The following MGAT4C variants were observed in gnomAD, a reference collection of about 807,000 sequenced individuals.
MGAT4C encodes the protein MGAT4 family member C, also known as alpha-1,3-mannosyl-glycoprotein 4-beta-N-acetylglucosaminyltransferase C.
Under a neutral mutation model 40.1 loss-of-function variants are expected in MGAT4C, and 19 were observed. The ratio of observed to expected loss-of-function variants is 0.47; its 90% CI spans 0.33 to 0.70. The LOEUF (loss-of-function observed/expected upper bound fraction) is 0.70, where lower values mean the gene tolerates loss of function less well. MGAT4C is among the 30% of genes least tolerant of loss of function. The pLI is 0.02. For missense variants in MGAT4C, 491 were observed against 563.2 expected, an observed-to-expected ratio of 0.87 and a Z score of 1.30; for synonymous variants, 181 against 187.1, an observed-to-expected ratio of 0.97 and a Z score of 0.27.
intron 3 of MGAT4C, among the ~76,000 whole-genome samples, chr12:86,407,922 C>T (rs549129099): frequency 6.6e-6 from 1 of 152,014 alleles, no homozygotes; most frequent in Admixed American, 6.6e-5. Flanking sequence ...CCAATAGTCA[C>T]AAGAAAGTTG....
intron 1 of MGAT4C, among the ~76,000 whole-genome samples, chr12:86,212,748 C>T (rs1415425203): frequency 4.4e-5 from 6 of 136,010 alleles, no homozygotes; most frequent in Admixed American, 2.2e-4. Flanking sequence ...AAAAATTAGC[C>T]GGGCGTAGTG....
intron 1 of MGAT4C, among the ~76,000 whole-genome samples, chr12:86,204,332 C>A (rs1950174428): frequency 1.3e-5 from 2 of 151,846 alleles, no homozygotes; most frequent in Non-Finnish European, 2.9e-5. Flanking sequence ...TAAAATAATT[C>A]TCGTTGTATA....
chr12:86,114,858 A>C (rs1878119731), intron 1 of MGAT4C, among the ~76,000 whole-genome samples: 1 of 151,916 alleles, frequency 6.6e-6, no homozygotes, highest in Admixed American at 6.6e-5. Context: ...ACCTACCCTA[A>C]GGAAATAATG....
intron 2 of MGAT4C, among the ~76,000 whole-genome samples, chr12:86,694,186 T>G (rs1950217223): frequency 6.6e-6 from 1 of 152,126 alleles, no homozygotes; most frequent in Non-Finnish European, 1.5e-5. Flanking sequence ...ACTCAAATAT[T>G]TCAGATCTTC....
At chr12:86,464,598 C>G (rs545386531) in intron 2 of MGAT4C, among the ~76,000 whole-genome samples, 1 of 152,202 alleles carries the variant, frequency 6.6e-6, no homozygotes, top group South Asian at 2.1e-4. Flanking sequence ...ATGAAAATAA[C>G]ATCCTAAACA....
At chr12:86,361,472 C>A (rs1357478422) in intron 3 of MGAT4C, among the ~76,000 whole-genome samples, 1 of 152,100 alleles carries the variant, frequency 6.6e-6, no homozygotes, top group Non-Finnish European at 1.5e-5. Context: ...CAACAAAAGC[C>A]AAAATTGACA....
chr12:86,394,614 CTTT>C (rs1239521825), intron 3 of MGAT4C, among the ~76,000 whole-genome samples: 17 of 93,032 alleles, frequency 1.8e-4, no homozygotes, highest in African/African-American at 4.3e-4. Flanking sequence ...TATATATATA[CTTT>C]ATATATATAT....
At chr12:86,122,600 A>C (rs1879552737) in intron 1 of MGAT4C, among the ~76,000 whole-genome samples, 1 of 152,170 alleles carries the variant, frequency 6.6e-6, no homozygotes, top group African/African-American at 2.4e-5. Context: ...GATGAAAGTA[A>C]ACATTATACT....
At chr12:86,221,000 T>G (rs2135986454) in intron 1 of MGAT4C, among the ~76,000 whole-genome samples, 1 of 152,308 alleles carries the variant, frequency 6.6e-6, no homozygotes, top group African/African-American at 2.4e-5. Flanking sequence ...TAAAATTGTT[T>G]TAGGTAACAG....
intron 4 of MGAT4C, among the ~76,000 whole-genome samples, chr12:86,326,713 C>T (rs1954536934): frequency 6.6e-6 from 1 of 151,962 alleles, no homozygotes; most frequent in South Asian, 2.1e-4. Context: ...CCCACTTGAG[C>T]CTTTACATTT....
chr12:86,056,357 C>T (rs1355045635), intron 1 of MGAT4C, among the ~76,000 whole-genome samples: 1 of 152,072 alleles, frequency 6.6e-6, no homozygotes, highest in Non-Finnish European at 1.5e-5. Context: ...GTACGTTAGG[C>T]ATTTCTCCTA....
At chr12:86,309,772 T>G (rs964035845) in intron 4 of MGAT4C, among the ~76,000 whole-genome samples, 3 of 152,214 alleles carry the variant, frequency 2.0e-5, no homozygotes, top group Non-Finnish European at 2.9e-5. Flanking sequence ...GAAAGCATAT[T>G]AATAAATGGC....
chr12:86,833,672 C>A lies in MGAT4C; in HGVS notation c.-262+4994G>T, dbSNP rs117771254. ...TAATGAACCCATCTACAAATATAGT[C>A]ACATTCTGAGATATTGGAGGTTAAG... On this transcript the variant is annotated intron_variant, in intron 1 of 7. Coordinates refer to the MGAT4C transcript ENST00000548651. Among the ~76,000 whole-genome samples, 602 of 151,984 alleles carry A rather than the reference C, an allele frequency of 4.0e-3. 2 individuals carry two copies. The highest frequency in any genetic ancestry group is 6.2e-3 in the Non-Finnish European group (424 of 67,922).
At chr12:86,241,225 T>A (rs1951770327) in intron 1 of MGAT4C, among the ~76,000 whole-genome samples, 1 of 152,186 alleles carries the variant, frequency 6.6e-6, no homozygotes, top group Non-Finnish European at 1.5e-5. Flanking sequence ...TCCTTGAAAC[T>A]AATAGGAAGT....
intron 1 of MGAT4C, among the ~76,000 whole-genome samples, chr12:86,211,798 T>C (rs193123038): frequency 3.5e-4 from 53 of 152,240 alleles, no homozygotes; most frequent in Admixed American, 9.8e-4. Context: ...TGTTTTGTTT[T>C]TTTTTTCCTA....
rs192953229 is a variant in MGAT4C at position 86,394,545 on chromosome 12, A to T, written c.-120+40612T>A. Among the ~76,000 whole-genome samples the T allele has an allele frequency of 2.8e-5, 4 of 144,516 alleles. No homozygotes were observed. In the East Asian group the frequency reaches 7.8e-4, roughly 28 times the overall value. The allele number at this position is 144,516 out of a possible 152,430, so 94.8% of individuals were successfully genotyped here. ...ATTTATATATTTTATACATATATTT[A>T]TATATATTTATATATTTATATATAT... On this transcript the variant is annotated intron_variant, in intron 3 of 7. Transcript: ENST00000548651.
At chr12:86,550,224 T>A (rs1400276053) in intron 2 of MGAT4C, among the ~76,000 whole-genome samples, 2 of 152,058 alleles carry the variant, frequency 1.3e-5, no homozygotes, top group Non-Finnish European at 2.9e-5. Context: ...GAACTGTGAG[T>A]CAATTAAACC....
intron 4 of MGAT4C, among the ~76,000 whole-genome samples, chr12:86,327,517 G>C (rs903627709): frequency 2.6e-5 from 4 of 151,882 alleles, no homozygotes; most frequent in Non-Finnish European, 5.9e-5. Context: ...TCATGAGTTT[G>C]CTTGTTAATG....
At chr12:86,838,401 T>C (rs1239489916) in intron 1 of MGAT4C, among the ~76,000 whole-genome samples, 2 of 152,184 alleles carry the variant, frequency 1.3e-5, no homozygotes, top group East Asian at 1.9e-4. Context: ...AGAATTAATA[T>C]GAACTTATGA....
Sources: gnomAD v4.1 joint callset for allele counts (sites outside exome capture counted in the v4.1 genomes callset) on GRCh38, gnomAD v4.1.1 for gene constraint, MANE v1.5 for transcripts, NCBI Gene and HGNC (gene_info 2026-07-23, HGNC 2026-07-21) for gene names.